Variants in HIGD1B observed in about 807,000 individuals in gnomAD.
HIGD1B encodes HIG1 hypoxia inducible domain family member 1B.
A neutral mutation model predicts 8.8 loss-of-function variants in HIGD1B; 9 were observed. That is an observed-to-expected ratio of 1.02 (90% CI 0.62 to 1.78). The LOEUF is 1.78. Among genes scored for constraint, HIGD1B ranks in the 40% most tolerant of loss-of-function variants. The probability of loss-of-function intolerance (pLI) is 0.00; values close to 1 mark genes in which losing one functional copy is unlikely to be tolerated. For synonymous variants in HIGD1B, 47 were observed against 38.8 expected, an observed-to-expected ratio of 1.21 and a Z score of -0.78; for missense variants, 126 against 111.8, an observed-to-expected ratio of 1.13 and a Z score of -0.57.
chr17:44,845,043 A>T (rs557272355), upstream of HIGD1B, among the ~76,000 whole-genome samples: 5 of 151,894 alleles, frequency 3.3e-5, no homozygotes, highest in East Asian at 9.7e-4. Flanking sequence ...GGATCACCTG[A>T]GGTCAGGAGT....
intron 2 of HIGD1B, 44 bp downstream of exon 2, chr17:44,849,432 A>T (rs111254264): frequency 1.2e-6 from 2 of 1,610,644 alleles, no homozygotes; most frequent in Non-Finnish European, 1.7e-6. Context: ...AAAACCGATT[A>T]TGCAGTTTGT....
At chr17:44,848,791 T>A (rs548121763) in intron 1 of HIGD1B, among the ~76,000 whole-genome samples, 39 of 151,956 alleles carry the variant, frequency 2.6e-4, no homozygotes, top group South Asian at 8.4e-4. Context: ...ATATATATAT[T>A]TTTGAGATGG....
upstream of HIGD1B, chr17:44,847,882 C>T: frequency 3.0e-6 from 1 of 337,028 alleles, no homozygotes. Context: ...GCTGAGAAAG[C>T]AGTGAAGACA....
intron 2 of HIGD1B, 120 bp downstream of exon 2, chr17:44,849,508 T>C (rs2050391627): frequency 8.4e-7 from 1 of 1,196,800 alleles, no homozygotes; most frequent in Non-Finnish European, 1.2e-6. Context: ...ACGCCTGTAA[T>C]CTCAACACTT....
chr17:44,849,357 G>A lies in HIGD1B; in HGVS notation c.204G>A (p.Ala68=), dbSNP rs146935402. ...SIHLIHTRVA[A]QACAVGAIML... is the part of the protein sequence containing the mutation. ...ACCTGATTCACACCCGAGTGGCAGC[G>A]CAGGCCTGTGCAGTGGGTGCAATCA... Residue 68 remains alanine (A), a synonymous_variant, in exon 2 of 3, where the codon GCG becomes GCA. Coordinates refer to ENST00000253410, the MANE Select transcript of HIGD1B (RefSeq NM_016438.4). 741 of 1,614,116 alleles carry A rather than the reference G, an allele frequency of 4.6e-4. 1 individual carries two copies. The highest frequency in any genetic ancestry group is 1.1e-3 in the African/African-American group (83 of 75,038).
At chr17:44,847,871 A>G, upstream of HIGD1B, 1 of 304,908 alleles carries the variant, frequency 3.3e-6, no homozygotes, top group Non-Finnish European at 6.2e-6. Context: ...GGGAAGGGGA[A>G]GCTGAGAAAG....
At chr17:44,848,274 G>C (rs764371326) in intron 1 of HIGD1B, 22 bp downstream of exon 1, 1 of 869,446 alleles carries the variant, frequency 1.2e-6, no homozygotes, top group Non-Finnish European at 2.0e-6. Context: ...AAGGAATGGG[G>C]TGCCGAGTAG....
rs755379483 is a variant in HIGD1B, at chr17:44,849,269, T to G, written c.116T>G (p.Leu39Trp). The change falls in exon 2 of 3, where the codon TTG becomes TGG. Residue 39 changes from leucine (L) to tryptophan (W), a missense_variant. Transcript: ENST00000253410. The stretch of plus-strand genomic sequence containing the variant: ...CTGCCCACAGGCTTAGGAGGCTGCT[T>G]GGTGGTAGCAGCATACAGGATTTAC... ...PLVPIGLGGC[L>W]VVAAYRIYRL... 4.3e-6 allele frequency: 7 copies of G among 1,613,878 alleles called. No individual in the cohort carries two copies. Among genetic ancestry groups the G allele is most frequent in the African/African-American group, 2.7e-5 (2 of 74,898 alleles).
chr17:44,850,420 T>TGAAC lies in HIGD1B; in HGVS notation c.*24_*25insGAAC, dbSNP rs1424398252. 1 of 1,573,726 alleles carries TGAAC rather than the reference T, an allele frequency of 6.4e-7. No individual in the cohort carries two copies. Among genetic ancestry groups the TGAAC allele is most frequent in the Non-Finnish European group, 8.7e-7 (1 of 1,145,910 alleles). ...AGGACTCCTATAGGAGCCGGGGCTG[T>TGAAC]CCAACTCCCCTAACTCAATCCCTGG... On this transcript the variant is annotated 3_prime_UTR_variant, in exon 3 of 3. Coordinates refer to ENST00000253410, the MANE Select transcript of HIGD1B (RefSeq NM_016438.4).
At chr17:44,850,069 T>G (rs1278849019) in intron 2 of HIGD1B, 3 of 388,266 alleles carry the variant, frequency 7.7e-6, no homozygotes, top group Non-Finnish European at 1.4e-5. Context: ...TAACCACCCC[T>G]GGCCTGCCTA....
At position 44,849,108 on chromosome 17, in the gene HIGD1B, C is replaced by A. The variant is rs768808548; in HGVS notation, c.101-146C>A. ...CAATATTCTAATGATCCCCCTAGGT[C>A]CCCCGCAACGCCCACCCCCCGCCAC... On this transcript the variant is annotated intron_variant, in intron 1 of 2. Coordinates refer to ENST00000253410, the MANE Select transcript of HIGD1B (RefSeq NM_016438.4). The A allele has an allele frequency of 7.3e-6, 6 of 826,128 alleles. No individual in the cohort carries two copies. In the African/African-American group the frequency reaches 8.6e-5, roughly 12 times the overall value. The allele number at this position is 826,128 out of a possible 1,614,324, so 51.2% of individuals were successfully genotyped here. A position where few individuals can be genotyped will look rare whatever the true frequency, so the allele number is the denominator to read the frequency against.
In HIGD1B at chr17:44,848,209, G is replaced by A. The variant is rs199638049; in HGVS notation, c.57G>A (p.Glu19=). ...VPPDDEDCVS[E]KLLRKTRESP... ...CTGACGACGAAGACTGTGTGTCTGA[G>A]AAGCTCCTGAGGAAGACTCGGGAAT... The change falls in exon 1 of 3, where the codon GAG becomes GAA. Residue 19 remains glutamate, a synonymous_variant. Transcript: ENST00000253410. 27 of 872,954 alleles carry A rather than the reference G, an allele frequency of 3.1e-5. 1 individual carries two copies. The East Asian group carries it at 5.5e-4, about 18-fold the overall frequency. The allele number at this position is 872,954 out of a possible 1,614,324, so 54.1% of individuals were successfully genotyped here.
rs763802692 is a variant in HIGD1B at position 44,848,206 on chromosome 17, T to G, written c.54T>G (p.Ser18=). Residue 18 remains serine (S), a synonymous_variant, in exon 1 of 3, where the codon TCT becomes TCG. Coordinates refer to ENST00000253410, the MANE Select transcript of HIGD1B (RefSeq NM_016438.4). ...WVPPDDEDCV[S]EKLLRKTRES... The stretch of plus-strand genomic sequence containing the variant: ...CACCTGACGACGAAGACTGTGTGTC[T>G]GAGAAGCTCCTGAGGAAGACTCGGG... The G allele has an allele frequency of 1.1e-6, 1 of 872,958 alleles. No homozygotes were observed. The highest frequency in any genetic ancestry group is 2.0e-6 in the Non-Finnish European group (1 of 501,676). 54.1% of individuals were successfully genotyped at this position (872,958 alleles called of 1,614,324 possible).
rs557467846 is a variant in HIGD1B at position 44,850,449 on chromosome 17, A to C, written c.*53A>C. On this transcript the variant is annotated 3_prime_UTR_variant, in exon 3 of 3. Transcript: ENST00000253410. ...ACTCCCCTAACTCAATCCCTGGTAC[A>C]TTCCTAATAAAGCAGTTTTGAGGAA... 5 of 1,349,390 alleles carry C rather than the reference A, an allele frequency of 3.7e-6. No individual in the cohort carries two copies. Among genetic ancestry groups the C allele is most frequent in the Admixed American group, 1.8e-5 (1 of 54,282 alleles). The allele number at this position is 1,349,390 out of a possible 1,614,324, so 83.6% of individuals were successfully genotyped here.
chr17:44,846,147 A>G (rs990848183), upstream of HIGD1B, among the ~76,000 whole-genome samples: 1 of 152,174 alleles, frequency 6.6e-6, no homozygotes, highest in African/African-American at 2.4e-5. Flanking sequence ...ATGGGAATTA[A>G]AAGACTGAAT....
chr17:44,848,328 G>T (rs2050349194), intron 1 of HIGD1B, 76 bp downstream of exon 1: 2 of 791,648 alleles, frequency 2.5e-6, no homozygotes, highest in Admixed American at 3.9e-5. Context: ...CAAAGAGAAT[G>T]AAGCAGAGGT....
chr17:44,850,333 T>C lies in HIGD1B; in HGVS notation c.237T>C (p.Gly79=), dbSNP rs2050421504. Residue 79 remains glycine (G), a splice_region_variant and synonymous_variant, in exon 3 of 3, where the codon GGT becomes GGC. Coordinates refer to ENST00000253410, the MANE Select transcript of HIGD1B (RefSeq NM_016438.4). ...QACAVGAIML[G]AVYTMYSDYV... ...CATTATTTCTTTTCTCTCACACAGG[T>C]GCTGTGTACACAATGTACAGCGATT... is the stretch of plus-strand genomic sequence containing the variant. The C allele has an allele frequency of 1.2e-6, 2 of 1,611,554 alleles. No homozygotes were observed. The highest frequency in any genetic ancestry group is 1.7e-6 in the Non-Finnish European group (2 of 1,178,458).
rs1266065463 is a variant in HIGD1B, at chr17:44,848,237, C to G, written c.85C>G (p.Pro29Ala). Residue 29 changes from proline to alanine, a missense_variant, in exon 1 of 3, where the codon CCA becomes GCA. By Grantham distance (27) the Pro-to-Ala change is conservative (BLOSUM62 -1). Transcript: ENST00000253410. ...EKLLRKTRES[P>A]LVPIGLGGCL... ...GCTCCTGAGGAAGACTCGGGAATCT[C>G]CACTGGTGCCTATAGGTAAGTGAAG... is the stretch of plus-strand genomic sequence containing the variant. The G allele has an allele frequency of 1.7e-5, 15 of 872,770 alleles. No homozygotes were observed. Among genetic ancestry groups the G allele is most frequent in the Non-Finnish European group, 2.8e-5 (14 of 501,668 alleles). 54.1% of individuals were successfully genotyped at this position (872,770 alleles called of 1,614,324 possible).
At chr17:44,848,291 T>G in intron 1 of HIGD1B, 39 bp downstream of exon 1, 1 of 855,986 alleles carries the variant, frequency 1.2e-6, no homozygotes, top group Non-Finnish European at 2.0e-6. Flanking sequence ...GTAGGAGGCC[T>G]TCTCTGTCAT....
Sources: gnomAD v4.1 joint callset for allele counts (sites outside exome capture counted in the v4.1 genomes callset) on GRCh38, gnomAD v4.1.1 for gene constraint, MANE v1.5 for transcripts, NCBI Gene and HGNC (gene_info 2026-07-23, HGNC 2026-07-21) for gene names.